ADAMTS13: variants seen among roughly 807,000 people sequenced by gnomAD.
ADAMTS13 encodes the protein A disintegrin and metalloproteinase with thrombospondin motifs 13.
Under a neutral mutation model 155.1 loss-of-function variants are expected in ADAMTS13, and 110 were observed. The observed-to-expected ratio is 0.71, with a 90% CI of 0.61 to 0.83. The LOEUF (loss-of-function observed/expected upper bound fraction) is 0.83. Among genes scored for constraint, ADAMTS13 ranks in the 40% least tolerant of loss-of-function variants. The pLI is 0.00. For synonymous variants in ADAMTS13, 758 were observed against 756.4 expected, an observed-to-expected ratio of 1.00 and a Z score of -0.03; for missense variants, 1,707 against 1,891.7, an observed-to-expected ratio of 0.90 and a Z score of 1.81.
At position 133,442,789 on chromosome 9, in the gene ADAMTS13, C is replaced by T. The variant is rs782459480; in HGVS notation, c.2234+46C>T. On this transcript the variant is annotated intron_variant, in intron 18 of 28. Coordinates refer to ENST00000355699, the MANE Select transcript of ADAMTS13 (RefSeq NM_139027.6). ...GCAGCTCCAAGGGGGAGAGAGGGTTCCGCTGGGGCTGCTGGGCTCTGTCCC... is the reference window on the plus strand; with the variant it reads ...GCAGCTCCAAGGGGGAGAGAGGGTTTCGCTGGGGCTGCTGGGCTCTGTCCC... 5 of 1,587,038 alleles carry T rather than the reference C, an allele frequency of 3.2e-6. No homozygotes were observed. In the Admixed American group the frequency reaches 8.6e-5, roughly 27 times the overall value.
rs782472825 is a variant in ADAMTS13 at position 133,455,481 on chromosome 9, G to A, written c.3400+46G>A. ...CACGAAGAAGCCGCTGCTCCAGGAC[G>A]GACCACAGCCACCCCTGCTGGTGCC... On this transcript the variant is annotated intron_variant, in intron 25 of 28. Coordinates refer to ENST00000355699, the MANE Select transcript of ADAMTS13 (RefSeq NM_139027.6). 3.9e-5 allele frequency: 63 copies of A among 1,612,274 alleles called. No homozygotes were observed. Among genetic ancestry groups the A allele is most frequent in the Non-Finnish European group, 4.9e-5 (58 of 1,179,920 alleles).
At chr9:133,452,866 G>T (rs587727870) in intron 23 of ADAMTS13, among the ~76,000 whole-genome samples, 1 of 152,254 alleles carries the variant, frequency 6.6e-6, no homozygotes, top group African/African-American at 2.4e-5. Context: ...ACATTCCAGG[G>T]ATACTCCCCT....
chr9:133,435,181 TTTTTTTTTTC>T (rs1350483591), intron 11 of ADAMTS13, among the ~76,000 whole-genome samples: 1 of 149,664 alleles, frequency 6.7e-6, no homozygotes. Context: ...TATGTTTGAC[TTTTTTTTTTC>T]TTTTTTTTTT....
chr9:133,433,337 G>T lies in ADAMTS13; in HGVS notation c.1093-41G>T, dbSNP rs587699075. 1.7e-5 allele frequency: 27 copies of T among 1,610,542 alleles called. No homozygotes were observed. The East Asian group carries it at 5.1e-4, about 31-fold the overall frequency. On this transcript the variant is annotated intron_variant, in intron 9 of 28. Coordinates refer to ENST00000355699, the MANE Select transcript of ADAMTS13 (RefSeq NM_139027.6). ...TGTGTGTTGGGAGTCCTGTGGTGGG[G>T]TCACTGTGGGATGGGAGATGAAGCC...
chr9:133,432,712 G>T lies in ADAMTS13; in HGVS notation c.1092+20G>T, dbSNP rs1319135035. 5.2e-6 allele frequency: 8 copies of T among 1,549,784 alleles called. No individual in the cohort carries two copies. The Admixed American group carries it at 7.8e-5, about 15-fold the overall frequency. ...GAGAAGGTCAGAGCCAAGAGTGAATGAGTGGGCTCCTGTGAGCACGTGCAC... is the reference window on the plus strand; with the variant it reads ...GAGAAGGTCAGAGCCAAGAGTGAATTAGTGGGCTCCTGTGAGCACGTGCAC... On this transcript the variant is annotated intron_variant, in intron 9 of 28. Transcript: ENST00000355699.
chr9:133,452,772 G>T (rs1010225746), intron 23 of ADAMTS13, among the ~76,000 whole-genome samples: 5 of 152,100 alleles, frequency 3.3e-5, no homozygotes, highest in African/African-American at 1.2e-4. Flanking sequence ...AGCCTCCCGA[G>T]TAGCTGGGAT....
intron 6 of ADAMTS13, among the ~76,000 whole-genome samples, chr9:133,427,175 C>A (rs1262107167): frequency 1.3e-5 from 2 of 152,110 alleles, no homozygotes; most frequent in African/African-American, 4.8e-5. Flanking sequence ...AAACATTATC[C>A]CAGGTATCTT....
chr9:133,438,048 C>G (rs1841385338), intron 13 of ADAMTS13, 151 bp downstream of exon 13: 1 of 1,513,994 alleles, frequency 6.6e-7, no homozygotes. Context: ...GACTTGGAGT[C>G]AGCCTGGGTT....
Position 133,441,379 on chromosome 9 carries a change from T to C in ADAMTS13, c.1968+854T>C, listed in dbSNP as rs782564759. On this transcript the variant is annotated intron_variant, in intron 16 of 28. Coordinates refer to ENST00000355699, the MANE Select transcript of ADAMTS13 (RefSeq NM_139027.6). The surrounding 1 kb of genome is among the most constrained non-coding windows in gnomAD (Gnocchi z 5.0). ...CCTCCCCTCCCCTTGCCTGGGACAT[T>C]GTATCCAGATGCTAGCTGCCGAGTG... Among the ~76,000 whole-genome samples the C allele has an allele frequency of 1.3e-5, 2 of 152,138 alleles. No individual in the cohort carries two copies. The highest frequency in any genetic ancestry group is 2.9e-5 in the Non-Finnish European group (2 of 68,024).
In ADAMTS13 at chr9:133,448,803, G is replaced by A. The variant is rs36221909; in HGVS notation, c.2861+75G>A. 4.2e-3 allele frequency: 6,495 copies of A among 1,554,062 alleles called. 28 individuals are homozygous for A. The highest frequency in any genetic ancestry group is 4.9e-3 in the Non-Finnish European group (5,661 of 1,156,784). On this transcript the variant is annotated intron_variant, in intron 22 of 28. Coordinates refer to ENST00000355699, the MANE Select transcript of ADAMTS13 (RefSeq NM_139027.6). ...AGACCCGAGCCTTGGCTCCATGCCC[G>A]GTGACCTGCGGAGGGGGGCAGGTGC...
In ADAMTS13 at chr9:133,458,435, A is replaced by T. The variant is rs1334353761; in HGVS notation, c.3909+341A>T. 2.6e-5 allele frequency among the ~76,000 whole-genome samples: 4 copies of T among 151,604 alleles called. No homozygotes were observed. The South Asian group carries it at 6.3e-4, about 24-fold the overall frequency. ...GCCAGGCATGGTGGCGTGTGCCTGT[A>T]ATCCCAGCTACTTGGGAGGCTGAGG... On this transcript the variant is annotated intron_variant, in intron 28 of 28. Coordinates refer to ENST00000355699, the MANE Select transcript of ADAMTS13 (RefSeq NM_139027.6).
chr9:133,442,777 G>C, intron 18 of ADAMTS13, 34 bp downstream of exon 18: 2 of 1,603,140 alleles, frequency 1.2e-6, no homozygotes, highest in Non-Finnish European at 1.7e-6. Flanking sequence ...GCTCCAAGGG[G>C]GAGAGAGGGT....
At position 133,449,791 on chromosome 9, in the gene ADAMTS13, A is replaced by G. The variant is rs781863577; in HGVS notation, c.2870A>G (p.Tyr957Cys). 2 of 1,613,896 alleles carry G rather than the reference A, an allele frequency of 1.2e-6. No homozygotes were observed. Among genetic ancestry groups the G allele is most frequent in the Admixed American group, 3.3e-5 (2 of 60,026 alleles). ...QAVPCPARWQ[Y>C]KLAACSVSCG... is the part of the protein sequence containing the mutation. Reference sequence around the variant, plus strand: ...ACTCCAGTTTGCTCCAGGTGGCAGTACAAGCTGGCGGCCTGCAGCGTGAGC... The same window carrying G: ...ACTCCAGTTTGCTCCAGGTGGCAGTGCAAGCTGGCGGCCTGCAGCGTGAGC... Residue 957 changes from tyrosine to cysteine, a missense_variant, in exon 23 of 29, where the codon TAC becomes TGC. By Grantham distance (194) the Tyr-to-Cys change is radical (BLOSUM62 -2). This residue lies in a region of ADAMTS13 where 961 missense variants were observed against 1,107.9 expected (regional missense o/e 0.87). Transcript: ENST00000355699.
At chr9:133,429,845 C>G in intron 7 of ADAMTS13, 94 bp from the exon 8 acceptor site, 1 of 1,493,074 alleles carries the variant, frequency 6.7e-7, no homozygotes, top group Non-Finnish European at 9.0e-7. Context: ...GCCACGCTTC[C>G]AAACGCTTCC....
intron 15 of ADAMTS13, among the ~76,000 whole-genome samples, chr9:133,439,942 G>A (rs1430257151): frequency 1.3e-5 from 2 of 152,240 alleles, no homozygotes; most frequent in East Asian, 3.8e-4. Flanking sequence ...TGCCCTAAAG[G>A]AGGACACTTC....
At chr9:133,438,038 G>A in intron 13 of ADAMTS13, 141 bp downstream of exon 13, 6 of 1,530,070 alleles carry the variant, frequency 3.9e-6, no homozygotes, top group Non-Finnish European at 5.4e-6. Context: ...AAAGGATCTG[G>A]ACTTGGAGTC....
At chr9:133,418,009 A>G (rs944951102), upstream of ADAMTS13, 3 of 641,102 alleles carry the variant, frequency 4.7e-6, no homozygotes, top group Non-Finnish European at 8.0e-6. Context: ...CGCGTTGCGC[A>G]TACCTCAGCA....
chr9:133,432,486 G>A, intron 8 of ADAMTS13, 102 bp from the exon 9 acceptor site: 1 of 1,030,146 alleles, frequency 9.7e-7, no homozygotes, highest in Non-Finnish European at 1.5e-6. Flanking sequence ...TGTTGGCTGT[G>A]TCAGTGTGTC....
At position 133,428,715 on chromosome 9, in the gene ADAMTS13, C is replaced by G. The variant is rs1340581969; in HGVS notation, c.768C>G (p.Pro256=). 1 of 1,353,124 alleles carries G rather than the reference C, an allele frequency of 7.4e-7. No homozygotes were observed. The highest frequency in any genetic ancestry group is 9.5e-7 in the Non-Finnish European group (1 of 1,051,052). The allele number at this position is 1,353,124 out of a possible 1,614,324, so 83.8% of individuals were successfully genotyped here. A position where few individuals can be genotyped will look rare whatever the true frequency, so the allele number is the denominator to read the frequency against. The change falls in exon 7 of 29, where the codon CCC becomes CCG. Residue 256 remains proline, a synonymous_variant. Coordinates refer to ENST00000355699, the MANE Select transcript of ADAMTS13 (RefSeq NM_139027.6). ...TGATGGCTTCGGACGGCGCCGCGCC[C>G]CGCGCCGGCCTCGCCTGGTCCCCCT... ...GHVMASDGAA[P]RAGLAWSPCS... is the part of the protein sequence containing the mutation.
Sources: gnomAD v4.1 joint callset for allele counts (sites outside exome capture counted in the v4.1 genomes callset) on GRCh38, gnomAD v4.1.1 for gene constraint, gnomAD v4.1.1 regional missense constraint, Gnocchi (gnomAD v3.1) non-coding constraint, MANE v1.5 for transcripts, NCBI Gene and HGNC (gene_info 2026-07-23, HGNC 2026-07-21) for gene names.